The following VCF2 variants were observed in gnomAD, a reference collection of about 807,000 sequenced individuals.
VCF2 encodes VCP nuclear cofactor family member 2, also known as protein VCF2.
At chrX:55,143,748 T>C in the VCF2 span, 1 of 1,058,317 alleles carries the variant, frequency 9.4e-7, no homozygotes, top group East Asian at 3.1e-5. Flanking sequence ...TCCTTGAAAA[T>C]ACTTCTCCTT....
At chrX:55,160,968 C>G in the VCF2 span, 11 of 1,164,353 alleles carry the variant, frequency 9.4e-6, no homozygotes, top group Non-Finnish European at 1.0e-5. Context: ...CCGGCCAACA[C>G]TGTCACCTGC....
the VCF2 span, among the ~76,000 whole-genome samples, chrX:55,158,678 C>A: frequency 9.0e-6 from 1 of 111,255 alleles, no homozygotes; most frequent in Non-Finnish European, 1.9e-5. Flanking sequence ...TATTCTATAT[C>A]AATAAAAAAT....
At chrX:55,145,359 A>T in the VCF2 span, 1 of 750,217 alleles carries the variant, frequency 1.3e-6, no homozygotes, top group Non-Finnish European at 1.6e-6. Flanking sequence ...AGTGTTTCCT[A>T]CTAAGTCTGA....
the VCF2 span, among the ~76,000 whole-genome samples, chrX:55,154,675 A>G: frequency 4.5e-5 from 5 of 112,158 alleles, no homozygotes; most frequent in Admixed American, 1.9e-4. Flanking sequence ...TGAGGCCAGC[A>G]GGGATTTGCT....
chrX:55,157,736 C>A, the VCF2 span, among the ~76,000 whole-genome samples: 9 of 111,921 alleles, frequency 8.0e-5, no homozygotes, highest in Non-Finnish European at 1.7e-4. Flanking sequence ...GGCACAAAAT[C>A]TTTTCCTACT....
chrX:55,145,353 T>C, the VCF2 span: 4 of 750,973 alleles, frequency 5.3e-6, no homozygotes, highest in Non-Finnish European at 6.3e-6. Flanking sequence ...TTGTGCAGTG[T>C]TTCCTACTAA....
the VCF2 span, among the ~76,000 whole-genome samples, chrX:55,150,471 C>A: frequency 9.0e-6 from 1 of 111,668 alleles, no homozygotes; most frequent in Non-Finnish European, 1.9e-5. Context: ...AGAGCTCAGG[C>A]AGTATTTCTC....
the VCF2 span, chrX:55,145,291 G>A: frequency 1.4e-5 from 10 of 721,782 alleles, no homozygotes; most frequent in South Asian, 7.1e-5. Flanking sequence ...ATGTGCTAAC[G>A]TAATAAATTT....
chrX:55,150,093 T>G, the VCF2 span, among the ~76,000 whole-genome samples: 404 of 112,395 alleles, frequency 3.6e-3, no homozygotes, highest in Non-Finnish European at 5.1e-3. Flanking sequence ...TTTGGGTTAT[T>G]TGATATAATA....
the VCF2 span, chrX:55,146,199 G>A: frequency 1.2e-5 from 15 of 1,209,347 alleles, no homozygotes; most frequent in Non-Finnish European, 1.6e-5. Flanking sequence ...CAAGAACTGG[G>A]GAAAGTTTGC....
At chrX:55,155,494 G>C in the VCF2 span, among the ~76,000 whole-genome samples, 2 of 111,974 alleles carry the variant, frequency 1.8e-5, no homozygotes, top group Non-Finnish European at 3.8e-5. Context: ...ACACTAAGTT[G>C]ATGCCAGGCA....
the VCF2 span, among the ~76,000 whole-genome samples, chrX:55,151,183 G>C: frequency 8.9e-6 from 1 of 112,269 alleles, no homozygotes; most frequent in South Asian, 3.7e-4. Context: ...GTTTTCTTTT[G>C]TAACAGGACA....
the VCF2 span, among the ~76,000 whole-genome samples, chrX:55,144,505 T>C: frequency 8.9e-6 from 1 of 111,843 alleles, no homozygotes; most frequent in African/African-American, 3.2e-5. Flanking sequence ...AATGTGGTGC[T>C]GTAATTTTTT....
At chrX:55,161,146 C>T in the VCF2 span, 29 of 1,206,843 alleles carry the variant, frequency 2.4e-5, no homozygotes, top group African/African-American at 7.0e-5. Flanking sequence ...CCGTACAGGG[C>T]AGCCTCCCAT....
chrX:55,159,133 G>A, the VCF2 span: 2 of 1,199,046 alleles, frequency 1.7e-6, no homozygotes, highest in Admixed American at 2.2e-5. Context: ...TGCTACCTCT[G>A]TATCTTGAGA....
At chrX:55,155,155 G>A in the VCF2 span, among the ~76,000 whole-genome samples, 2 of 112,151 alleles carry the variant, frequency 1.8e-5, no homozygotes, top group African/African-American at 6.5e-5. Flanking sequence ...GATGTGGCTG[G>A]TATCTCCCAG....
At chrX:55,145,414 T>C in the VCF2 span, 1 of 754,065 alleles carries the variant, frequency 1.3e-6, no homozygotes, top group Non-Finnish European at 1.6e-6. Flanking sequence ...TATCTAAGTA[T>C]ACAAGAGCCT....
chrX:55,146,076 C>T, the VCF2 span: 10 of 1,207,248 alleles, frequency 8.3e-6, no homozygotes, highest in Non-Finnish European at 8.9e-6. Flanking sequence ...TAAGGAAGTC[C>T]TAATTCATCA....
At chrX:55,160,173 T>C in the VCF2 span, among the ~76,000 whole-genome samples, 1 of 112,185 alleles carries the variant, frequency 8.9e-6, no homozygotes, top group African/African-American at 3.2e-5. Context: ...GTGTAAATAT[T>C]ATTTTATTTC....
Sources: allele counts gnomAD v4.1 joint callset (sites outside exome capture counted in the v4.1 genomes callset), GRCh38; gene constraint gnomAD v4.1.1; transcripts MANE v1.5; gene names NCBI Gene and HGNC (gene_info 2026-07-23, HGNC 2026-07-21).